Variants in UBE2F observed in about 807,000 individuals in gnomAD.
The protein encoded by UBE2F is ubiquitin conjugating enzyme E2 F (putative), also known as NEDD8-conjugating enzyme UBE2F.
UBE2F carries 5 observed loss-of-function variants against 29.6 expected under a neutral mutation model. The observed-to-expected ratio is 0.17, with a 90% CI of 0.09 to 0.36. The LOEUF is 0.36. Among genes scored for constraint, UBE2F ranks in the 10% least tolerant of loss-of-function variants. UBE2F has a pLI of 1.00. For missense variants in UBE2F, 141 were observed against 228.5 expected (o/e 0.62, Z 2.47); for synonymous variants, 66 against 81.8 (o/e 0.81, Z 1.04).
At chr2:237,986,053 A>T in intron 2 of UBE2F, 2 of 212,330 alleles carry the variant, frequency 9.4e-6, no homozygotes, top group African/African-American at 2.4e-5. Context: ...GAGTTGTGTG[A>T]TTTCCTTATA....
intron 2 of UBE2F, among the ~76,000 whole-genome samples, chr2:237,980,157 G>T (rs1332113272): frequency 6.6e-6 from 1 of 152,268 alleles, no homozygotes; most frequent in Non-Finnish European, 1.5e-5. Flanking sequence ...CTGGAAAGTG[G>T]CAGCTGTCTC....
At chr2:237,979,105 T>C (rs750735199) in intron 2 of UBE2F, among the ~76,000 whole-genome samples, 18 of 152,170 alleles carry the variant, frequency 1.2e-4, no homozygotes, top group Non-Finnish European at 2.4e-4. Context: ...TGTCAGTCTT[T>C]GTTAAATGTG....
chr2:238,035,449 C>T (rs1389421078), intron 8 of UBE2F: 2 of 188,220 alleles, frequency 1.1e-5, no homozygotes, highest in Non-Finnish European at 2.2e-5. Context: ...AAAGGAAAGT[C>T]CAGGGAAGGG....
chr2:238,030,781 A>C (rs985333310), intron 7 of UBE2F, among the ~76,000 whole-genome samples, 168 bp downstream of exon 7: 2 of 152,126 alleles, frequency 1.3e-5, no homozygotes, highest in Non-Finnish European at 2.9e-5. Context: ...TTAGCCAGTC[A>C]CTGACCTCGG....
chr2:238,016,325 G>A (rs893564413), intron 4 of UBE2F, among the ~76,000 whole-genome samples: 1 of 152,170 alleles, frequency 6.6e-6, no homozygotes, highest in African/African-American at 2.4e-5. Flanking sequence ...CCCTGAGGGT[G>A]TGCTCAGCCC....
At chr2:238,015,619 G>A (rs1021263841) in intron 4 of UBE2F, among the ~76,000 whole-genome samples, 1 of 151,878 alleles carries the variant, frequency 6.6e-6, no homozygotes, top group African/African-American at 2.4e-5. Context: ...CTTGTTTGAG[G>A]CTAACAACTT....
chr2:238,024,349 TG>T (rs2064364947), intron 5 of UBE2F, among the ~76,000 whole-genome samples: 1 of 152,210 alleles, frequency 6.6e-6, no homozygotes, highest in Admixed American at 6.5e-5. Context: ...TGGTTTGGTT[TG>T]GTTTTCTGGT....
At position 237,973,138 on chromosome 2, in the gene UBE2F, G is replaced by C. The variant is rs759614739; in HGVS notation, c.31G>C (p.Asp11His). Residue 11 changes from aspartate to histidine, a missense_variant, in exon 2 of 10, where the codon GAC becomes CAC. Transcript: ENST00000272930. ...AACGCTAGCAAGTAAACTGAAGCGT[G>C]ACGATGGTCTCAAAGGGTCCCGGAC... MLTLASKLKR[D>H]DGLKGSRTAA... is the part of the protein sequence containing the mutation. 6.2e-7 allele frequency: 1 copy of C among 1,613,728 alleles called. No individual in the cohort carries two copies. The highest frequency in any genetic ancestry group is 8.5e-7 in the Non-Finnish European group (1 of 1,179,764).
Position 237,973,147 on chromosome 2 carries a change from C to G in UBE2F, c.40C>G (p.Leu14Val), listed in dbSNP as rs139940522. The G allele has an allele frequency of 1.2e-6, 2 of 1,613,834 alleles. No individual in the cohort carries two copies. Among genetic ancestry groups the G allele is most frequent in the African/African-American group, 2.7e-5 (2 of 74,904 alleles). ...AAGTAAACTGAAGCGTGACGATGGTCTCAAAGGGTCCCGGACGGCAGCCAC... is the reference window on the plus strand; with the variant it reads ...AAGTAAACTGAAGCGTGACGATGGTGTCAAAGGGTCCCGGACGGCAGCCAC... ...LASKLKRDDG[L>V]KGSRTAATAS... The change falls in exon 2 of 10, where the codon CTC becomes GTC. Residue 14 changes from leucine to valine, a missense_variant. Physicochemically the swap from Leu to Val is conservative, Grantham distance 32 (BLOSUM62 1). Transcript: ENST00000272930.
At chr2:238,020,602 G>T (rs556260285) in intron 5 of UBE2F, among the ~76,000 whole-genome samples, 1 of 152,152 alleles carries the variant, frequency 6.6e-6, no homozygotes, top group Admixed American at 6.5e-5. Context: ...TAATAAAGTC[G>T]ATCGTTATTT....
chr2:237,987,392 C>T (rs1246174509), intron 2 of UBE2F, among the ~76,000 whole-genome samples: 1 of 152,126 alleles, frequency 6.6e-6, no homozygotes, highest in Non-Finnish European at 1.5e-5. Flanking sequence ...CTGGTTTAGA[C>T]TTCTAACACT....
At chr2:238,018,394 TC>T (rs2064213077) in intron 5 of UBE2F, among the ~76,000 whole-genome samples, 1 of 147,148 alleles carries the variant, frequency 6.8e-6, no homozygotes, top group Non-Finnish European at 1.5e-5. Flanking sequence ...AACCATTGTT[TC>T]AGGTATATCT....
At chr2:238,036,090 A>G (rs1163793671) in intron 9 of UBE2F, 150 bp downstream of exon 9, 3 of 675,582 alleles carry the variant, frequency 4.4e-6, no homozygotes, top group African/African-American at 1.8e-5. Flanking sequence ...ACAATATGGT[A>G]TAGTAAATGT....
At position 237,982,243 on chromosome 2, in the gene UBE2F, C is replaced by T. The variant is rs2063394098; in HGVS notation, c.119-5720C>T. ...ATCTTCCTGGCTGTCACTTTGCTGG[C>T]CCCTGAGTGCCTCTTGCTCCCGCAC... On this transcript the variant is annotated intron_variant, in intron 2 of 9. Coordinates refer to ENST00000272930, the MANE Select transcript of UBE2F (RefSeq NM_080678.3). The surrounding 1 kb of genome is among the most constrained non-coding windows in gnomAD (Gnocchi z 4.1). Among the ~76,000 whole-genome samples, 1 of 152,140 alleles carries T rather than the reference C, an allele frequency of 6.6e-6. No individual in the cohort carries two copies. The highest frequency in any genetic ancestry group is 6.5e-5 in the Admixed American group (1 of 15,268).
rs530467534 is a variant in UBE2F at position 238,042,130 on chromosome 2, T to A, written c.*792T>A. The A allele has an allele frequency of 1.3e-5, 2 of 152,364 alleles. No individual in the cohort carries two copies. Among genetic ancestry groups the A allele is most frequent in the African/African-American group, 4.8e-5 (2 of 41,580 alleles). 9.4% of individuals were successfully genotyped at this position (152,364 alleles called of 1,614,324 possible). On this transcript the variant is annotated 3_prime_UTR_variant, in exon 10 of 10. Coordinates refer to ENST00000272930, the MANE Select transcript of UBE2F (RefSeq NM_080678.3). ...CTCTTGCTTTCGGGTCCGGATGTGG[T>A]GAGCACATTTTGGAGCCCTTTGAAG...
chr2:238,019,041 C>T lies in UBE2F; in HGVS notation c.282+2408C>T, dbSNP rs1177421810. 3.3e-5 allele frequency among the ~76,000 whole-genome samples: 5 copies of T among 152,232 alleles called. No individual in the cohort carries two copies. In the East Asian group the frequency reaches 5.8e-4, roughly 18 times the overall value. On this transcript the variant is annotated intron_variant, in intron 5 of 9. Transcript: ENST00000272930. The stretch of plus-strand genomic sequence containing the variant: ...GGTGGAGGGGTAAGGCTTAAATTTT[C>T]CTGTCCTTGTCTCAGACCTGCTATT...
intron 5 of UBE2F, among the ~76,000 whole-genome samples, chr2:238,018,154 G>T (rs953981982): frequency 6.6e-6 from 1 of 152,114 alleles, no homozygotes; most frequent in Non-Finnish European, 1.5e-5. Flanking sequence ...ACCTGGCGAC[G>T]GAGCACTGCA....
chr2:237,990,286 C>G (rs1430771032), intron 3 of UBE2F: 12 of 387,348 alleles, frequency 3.1e-5, no homozygotes, highest in Non-Finnish European at 5.5e-5. Flanking sequence ...TCATTATACT[C>G]TTCTCTTTTA....
At chr2:237,978,925 C>A (rs529309851) in intron 2 of UBE2F, among the ~76,000 whole-genome samples, 28 of 152,276 alleles carry the variant, frequency 1.8e-4, no homozygotes, top group African/African-American at 6.0e-4. Context: ...GAATTAATTG[C>A]TTTCTTACCT....
Sources: gnomAD v4.1 joint callset for allele counts (sites outside exome capture counted in the v4.1 genomes callset) on GRCh38, gnomAD v4.1.1 for gene constraint, Gnocchi (gnomAD v3.1) non-coding constraint, MANE v1.5 for transcripts, NCBI Gene and HGNC (gene_info 2026-07-23, HGNC 2026-07-21) for gene names.